Variants in SUPT3H observed in about 807,000 individuals in gnomAD.
The protein encoded by SUPT3H is SPT3 homolog, SAGA and STAGA complex component, also known as transcription initiation protein SPT3 homolog.
A neutral mutation model predicts 44.3 loss-of-function variants in SUPT3H; 44 were observed. That is an observed-to-expected ratio of 0.99 (90% CI 0.78 to 1.28). The LOEUF (loss-of-function observed/expected upper bound fraction) is 1.28, where lower values mean the gene tolerates loss of function less well. Among genes scored for constraint, SUPT3H ranks in the 50% most tolerant of loss-of-function variants. The pLI is 0.00. For synonymous variants in SUPT3H, 124 were observed against 125.6 expected, an observed-to-expected ratio of 0.99 and a Z score of 0.09; for missense variants, 380 against 387.1, an observed-to-expected ratio of 0.98 and a Z score of 0.15.
chr6:45,159,411 A>AGAT (rs1808566596), intron 2 of SUPT3H: 1 of 152,186 alleles, frequency 6.6e-6, no homozygotes, highest in African/African-American at 2.4e-5. Flanking sequence ...ATGATCAGTT[A>AGAT]TCTCAGGCAC....
At chr6:45,174,710 C>A (rs1242436127) in intron 2 of SUPT3H, among the ~76,000 whole-genome samples, 3 of 151,996 alleles carry the variant, frequency 2.0e-5, no homozygotes, top group African/African-American at 7.2e-5. Flanking sequence ...AGTTTTATAT[C>A]TCATCTTCCT....
At chr6:45,355,517 C>A (rs1792995906) in intron 2 of SUPT3H, among the ~76,000 whole-genome samples, 1 of 151,984 alleles carries the variant, frequency 6.6e-6, no homozygotes, top group African/African-American at 2.4e-5. Context: ...AAGAAGTGAA[C>A]CAAGATCTTG....
At chr6:45,200,433 A>G (rs547808090) in intron 2 of SUPT3H, among the ~76,000 whole-genome samples, 1 of 151,678 alleles carries the variant, frequency 6.6e-6, no homozygotes, top group South Asian at 2.1e-4. Context: ...TGTCTAAAGT[A>G]TATCCCATTT....
At chr6:45,248,840 A>G (rs1771848483) in intron 2 of SUPT3H, among the ~76,000 whole-genome samples, 1 of 151,796 alleles carries the variant, frequency 6.6e-6, no homozygotes, top group South Asian at 2.1e-4. Context: ...ACTTGAACCC[A>G]AGAGGCGGAG....
chr6:44,827,654 G>C lies in SUPT3H; in HGVS notation c.*2162C>G, dbSNP rs1417716370. 1.3e-5 allele frequency among the ~76,000 whole-genome samples: 2 copies of C among 152,054 alleles called. No individual in the cohort carries two copies. The highest frequency in any genetic ancestry group is 2.9e-5 in the Non-Finnish European group (2 of 67,964). On this transcript the variant is annotated 3_prime_UTR_variant, in exon 11 of 11. Transcript: ENST00000371459. ...TTCTTTTGTTTCTATAGTCACTGCT[G>C]AAGGAAGTTTTATTTCACTTCAAAT... is the stretch of plus-strand genomic sequence containing the variant.
intron 3 of SUPT3H, among the ~76,000 whole-genome samples, chr6:45,039,597 C>A (rs573357750): frequency 6.6e-6 from 1 of 151,770 alleles, no homozygotes. Context: ...CAGGCCAACA[C>A]GGTGAAACCC....
At chr6:45,210,120 C>T (rs1763849549) in intron 2 of SUPT3H, among the ~76,000 whole-genome samples, 1 of 151,746 alleles carries the variant, frequency 6.6e-6, no homozygotes, top group African/African-American at 2.4e-5. Flanking sequence ...CATAAGGCTA[C>T]TGGAAAGGAA....
intron 3 of SUPT3H, among the ~76,000 whole-genome samples, chr6:45,085,130 A>T (rs115503736): frequency 0.042 from 6,436 of 152,230 alleles, 176 homozygotes; most frequent in Admixed American, 0.078. Context: ...GAAATTTTTT[A>T]AAAAATTAAT....
Position 44,829,585 on chromosome 6 carries a change from C to A in SUPT3H, c.*231G>T. 2.0e-6 allele frequency: 1 copy of A among 488,788 alleles called. No homozygotes were observed. Among genetic ancestry groups the A allele is most frequent in the Non-Finnish European group, 3.7e-6 (1 of 273,618 alleles). 30.3% of individuals were successfully genotyped at this position (488,788 alleles called of 1,614,324 possible). On this transcript the variant is annotated 3_prime_UTR_variant, in exon 11 of 11. Coordinates refer to ENST00000371459, the MANE Select transcript of SUPT3H (RefSeq NM_003599.4). ...TGTGATCTGCATTCTTGTCCACCTA[C>A]AGACTATCCTAAACATCCTGCCATT...
chr6:45,316,766 T>A (rs1482545607), intron 2 of SUPT3H, among the ~76,000 whole-genome samples: 1 of 152,040 alleles, frequency 6.6e-6, no homozygotes, highest in Non-Finnish European at 1.5e-5. Context: ...ATGAAAGAAA[T>A]GGAAGACACA....
chr6:45,151,288 T>C (rs1806930243), intron 2 of SUPT3H, among the ~76,000 whole-genome samples: 1 of 152,116 alleles, frequency 6.6e-6, no homozygotes, highest in African/African-American at 2.4e-5. Flanking sequence ...TTTAATTCAG[T>C]GTTGGGAAAA....
chr6:45,270,389 G>A (rs1775927261), intron 2 of SUPT3H, among the ~76,000 whole-genome samples: 1 of 152,116 alleles, frequency 6.6e-6, no homozygotes, highest in African/African-American at 2.4e-5. Context: ...GCACCCAGTG[G>A]GAGGTGACTG....
chr6:45,160,248 C>T (rs1808715973), intron 2 of SUPT3H, among the ~76,000 whole-genome samples: 1 of 152,092 alleles, frequency 6.6e-6, no homozygotes. Flanking sequence ...TAATATGAGG[C>T]AGGTCTTCAA....
chr6:44,869,841 G>A (rs1430112213), intron 10 of SUPT3H, among the ~76,000 whole-genome samples: 1 of 152,184 alleles, frequency 6.6e-6, no homozygotes, highest in Admixed American at 6.5e-5. Flanking sequence ...CTTTAACAAG[G>A]TGTCAAACAT....
chr6:45,296,213 C>CACACACACACA (rs1491096772), intron 2 of SUPT3H, among the ~76,000 whole-genome samples: 1 of 151,178 alleles, frequency 6.6e-6, no homozygotes, highest in Non-Finnish European at 1.5e-5. Flanking sequence ...CACACACACA[C>CACACACACACA]AATGCAACAC....
intron 5 of SUPT3H, among the ~76,000 whole-genome samples, chr6:45,008,322 A>G (rs986147880): frequency 6.6e-6 from 1 of 152,080 alleles, no homozygotes; most frequent in Non-Finnish European, 1.5e-5. Flanking sequence ...CTAGCTCTCC[A>G]TGTCCTCAAC....
chr6:44,888,517 CATG>C (rs1561969562), intron 10 of SUPT3H, among the ~76,000 whole-genome samples: 1 of 152,172 alleles, frequency 6.6e-6, no homozygotes, highest in East Asian at 1.9e-4. Flanking sequence ...ACAAAAACCA[CATG>C]ATTACCTCAA....
At chr6:45,055,654 C>G (rs532448743) in intron 3 of SUPT3H, among the ~76,000 whole-genome samples, 2 of 152,226 alleles carry the variant, frequency 1.3e-5, no homozygotes, top group South Asian at 2.1e-4. Flanking sequence ...TATCTCTTAC[C>G]TTATACAAAA....
At chr6:45,123,652 G>A (rs940625502) in intron 2 of SUPT3H, among the ~76,000 whole-genome samples, 1 of 151,976 alleles carries the variant, frequency 6.6e-6, no homozygotes, top group Non-Finnish European at 1.5e-5. Context: ...AGTGTAACAG[G>A]TTGGGGAAAA....
Sources: allele counts gnomAD v4.1 joint callset (sites outside exome capture counted in the v4.1 genomes callset), GRCh38; gene constraint gnomAD v4.1.1; transcripts MANE v1.5; gene names NCBI Gene and HGNC (gene_info 2026-07-23, HGNC 2026-07-21).